PARN: variants seen among roughly 807,000 people sequenced by gnomAD.
PARN encodes poly(A)-specific ribonuclease, also known as poly(A)-specific ribonuclease PARN.
A neutral mutation model predicts 102.8 loss-of-function variants in PARN; 71 were observed. That is an observed-to-expected ratio of 0.69 (90% CI 0.57 to 0.84). PARN has a LOEUF of 0.84. PARN is among the 40% of genes least tolerant of loss of function. The probability of loss-of-function intolerance (pLI) is 0.00; values close to 1 mark genes in which losing one functional copy is unlikely to be tolerated. For missense variants in PARN, 782 were observed against 760.9 expected (o/e 1.03, Z -0.33); for synonymous variants, 261 against 252.9 (o/e 1.03, Z -0.30).
chr16:14,528,910 A>G (rs1463127648), intron 21 of PARN, among the ~76,000 whole-genome samples: 2 of 152,214 alleles, frequency 1.3e-5, no homozygotes, highest in African/African-American at 4.8e-5. Flanking sequence ...AACTGGATTC[A>G]TGAGTTTTCC....
At chr16:14,626,577 C>G (rs529233987) in intron 5 of PARN, among the ~76,000 whole-genome samples, 1 of 151,990 alleles carries the variant, frequency 6.6e-6, no homozygotes, top group South Asian at 2.1e-4. Context: ...GTTCTCATAT[C>G]TGTCTGTCTG....
intron 21 of PARN, among the ~76,000 whole-genome samples, chr16:14,486,192 C>A (rs1165708033): frequency 6.6e-6 from 1 of 151,992 alleles, no homozygotes; most frequent in Admixed American, 6.6e-5. Context: ...CCATTCTCCA[C>A]ACACACACAA....
At chr16:14,623,816 G>A (rs139203526) in intron 5 of PARN, among the ~76,000 whole-genome samples, 3 of 148,828 alleles carry the variant, frequency 2.0e-5, no homozygotes, top group African/African-American at 4.9e-5. Context: ...CAGCCTGGGC[G>A]ACAGTGTAAG....
chr16:14,475,993 T>C (rs1455356632), intron 22 of PARN, among the ~76,000 whole-genome samples: 1 of 152,236 alleles, frequency 6.6e-6, no homozygotes, highest in East Asian at 1.9e-4. Flanking sequence ...ATTGGAAATA[T>C]ACTGTTAAGA....
At chr16:14,444,661 C>T (rs978583523) in intron 23 of PARN, among the ~76,000 whole-genome samples, 3 of 152,162 alleles carry the variant, frequency 2.0e-5, no homozygotes, top group Non-Finnish European at 4.4e-5. Context: ...AGTGGGGAAA[C>T]CCCCCTGCCC....
At position 14,617,652 on chromosome 16, in the gene PARN, T is replaced by A; in HGVS notation, c.328-2A>T. 6.3e-7 allele frequency: 1 copy of A among 1,580,340 alleles called. No homozygotes were observed. The highest frequency in any genetic ancestry group is 8.7e-7 in the Non-Finnish European group (1 of 1,149,306). ...TGCTAGAAAGTCAATGCTGGAGCTC[T>A]GAAACAGAGTAAACAGAACACATGT... On this transcript the variant is annotated splice_acceptor_variant, in intron 5 of 23. Transcript: ENST00000437198. LOFTEE classifies it high-confidence loss of function.
chr16:14,574,272 G>C (rs1285238634), intron 18 of PARN, among the ~76,000 whole-genome samples: 3 of 152,134 alleles, frequency 2.0e-5, no homozygotes, highest in Non-Finnish European at 4.4e-5. Context: ...CTTTGAGCTT[G>C]AGAGAAATAA....
At chr16:14,466,138 A>G (rs574817069) in intron 22 of PARN, among the ~76,000 whole-genome samples, 2 of 152,290 alleles carry the variant, frequency 1.3e-5, no homozygotes, top group Admixed American at 1.3e-4. Context: ...GTACTCCAGA[A>G]CCTAAAATAA....
chr16:14,509,367 T>G (rs1157248957), intron 21 of PARN, among the ~76,000 whole-genome samples: 1 of 152,196 alleles, frequency 6.6e-6, no homozygotes, highest in Non-Finnish European at 1.5e-5. Context: ...GCTACTGAGC[T>G]GGAGGTGAAG....
intron 18 of PARN, among the ~76,000 whole-genome samples, chr16:14,574,417 T>C (rs1483615270): frequency 6.6e-6 from 1 of 152,212 alleles, no homozygotes; most frequent in South Asian, 2.1e-4. Flanking sequence ...GACAATGTGA[T>C]AGACAAGAAA....
intron 18 of PARN, among the ~76,000 whole-genome samples, chr16:14,578,336 A>AAG: frequency 6.7e-6 from 1 of 149,164 alleles, no homozygotes; most frequent in Non-Finnish European, 1.5e-5. Context: ...CTCACCAAAA[A>AAG]AAAAAAAAAA....
intron 21 of PARN, among the ~76,000 whole-genome samples, chr16:14,518,080 T>A (rs1965543597): frequency 6.6e-6 from 1 of 151,938 alleles, no homozygotes; most frequent in Non-Finnish European, 1.5e-5. Context: ...TATTACATAA[T>A]GGCATATGTA....
intron 5 of PARN, among the ~76,000 whole-genome samples, chr16:14,626,796 T>C (rs1475772242): frequency 2.6e-5 from 4 of 151,874 alleles, no homozygotes; most frequent in Non-Finnish European, 5.9e-5. Flanking sequence ...TTTTTGTATT[T>C]TTAGTAGAGA....
chr16:14,472,795 C>G (rs756558231), intron 22 of PARN, among the ~76,000 whole-genome samples: 2 of 152,230 alleles, frequency 1.3e-5, no homozygotes, highest in African/African-American at 4.8e-5. Flanking sequence ...ACACAAAAAC[C>G]GCTGGGATGG....
chr16:14,472,617 C>T (rs1158964432), intron 22 of PARN, among the ~76,000 whole-genome samples: 1 of 152,082 alleles, frequency 6.6e-6, no homozygotes, highest in Non-Finnish European at 1.5e-5. Flanking sequence ...CATGAAGGCA[C>T]AAAAAACATG....
chr16:14,590,274 GA>G (rs1212064093), intron 13 of PARN, among the ~76,000 whole-genome samples: 1,642 of 69,224 alleles, frequency 0.024, 24 homozygotes, highest in African/African-American at 0.073. Context: ...AAAGAGAAGA[GA>G]AAAAAAAAAA....
chr16:14,470,241 A>G (rs753491785), intron 22 of PARN, among the ~76,000 whole-genome samples: 1 of 152,098 alleles, frequency 6.6e-6, no homozygotes, highest in Non-Finnish European at 1.5e-5. Context: ...GTGAGGTGAA[A>G]GCAGGCTTTC....
chr16:14,561,119 T>C (rs923833183), intron 18 of PARN, among the ~76,000 whole-genome samples: 1 of 143,160 alleles, frequency 7.0e-6, no homozygotes, highest in Non-Finnish European at 1.5e-5. Context: ...ATTGCACTGC[T>C]GCACTCCAGC....
In PARN at chr16:14,550,729, T is replaced by A. The variant is rs189535517; in HGVS notation, c.1480+1292A>T. ...TATAGTTTTACTGTGCGGCATTTTG[T>A]TAAAGTAAAAAACAAACACATCACT... On this transcript the variant is annotated intron_variant, in intron 21 of 23. Coordinates refer to ENST00000437198, the MANE Select transcript of PARN (RefSeq NM_002582.4). Among the ~76,000 whole-genome samples, 83 of 152,334 alleles carry A rather than the reference T, an allele frequency of 5.4e-4. No individual in the cohort carries two copies. In the East Asian group the frequency reaches 9.4e-3, roughly 17 times the overall value.
Sources: gnomAD v4.1 joint callset for allele counts (sites outside exome capture counted in the v4.1 genomes callset) on GRCh38, gnomAD v4.1.1 for gene constraint, MANE v1.5 for transcripts, NCBI Gene and HGNC (gene_info 2026-07-23, HGNC 2026-07-21) for gene names.